The following KIF14 variants were observed in gnomAD, a reference collection of about 807,000 sequenced individuals.
The protein encoded by KIF14 is kinesin-like protein KIF14.
In KIF14, 98 loss-of-function variants were observed where a neutral mutation model predicts 176.2. The observed-to-expected ratio is 0.56, with a 90% CI of 0.47 to 0.66. The LOEUF (loss-of-function observed/expected upper bound fraction) is 0.66, where lower values mean the gene tolerates loss of function less well. Ranked by LOEUF, KIF14 falls within the 30% of genes least tolerant of loss-of-function variation. KIF14 has a pLI of 0.00. For missense variants in KIF14, 1,751 were observed against 1,920.4 expected, an observed-to-expected ratio of 0.91 and a Z score of 1.65; for synonymous variants, 566 against 632.2, an observed-to-expected ratio of 0.90 and a Z score of 1.57.
intron 22 of KIF14, among the ~76,000 whole-genome samples, chr1:200,573,078 G>A (rs1238627667): frequency 6.6e-6 from 1 of 152,132 alleles, no homozygotes; most frequent in Non-Finnish European, 1.5e-5. Flanking sequence ...CACCGTAATA[G>A]GAGCTTTATA....
chr1:200,573,450 T>G (rs1487018244), intron 22 of KIF14, among the ~76,000 whole-genome samples: 1 of 89,546 alleles, frequency 1.1e-5, no homozygotes, highest in Non-Finnish European at 2.4e-5. Flanking sequence ...TTTTTTTTTT[T>G]TGAGACGGAG....
intron 15 of KIF14, among the ~76,000 whole-genome samples, chr1:200,592,842 T>A (rs2102696163): frequency 1.3e-5 from 2 of 152,270 alleles, no homozygotes; most frequent in African/African-American, 4.8e-5. Flanking sequence ...TGCTCCTAGG[T>A]TACAAACCTG....
At chr1:200,581,760 C>CTTTTTTTTTTTTTTTT (rs1558064089) in intron 19 of KIF14, among the ~76,000 whole-genome samples, 1 of 102,406 alleles carries the variant, frequency 9.8e-6, no homozygotes, top group Non-Finnish European at 1.9e-5. Flanking sequence ...ATTTCACTTT[C>CTTTTTTTTTTTTTTTT]CTTTTTTTTT....
At chr1:200,601,481 C>T (rs1167268769) in intron 11 of KIF14, among the ~76,000 whole-genome samples, 2 of 152,156 alleles carry the variant, frequency 1.3e-5, no homozygotes, top group African/African-American at 4.8e-5. Context: ...TGAAGTTCAG[C>T]CTATACTAGA....
chr1:200,571,185 G>A (rs1657764522), intron 22 of KIF14, among the ~76,000 whole-genome samples: 1 of 151,992 alleles, frequency 6.6e-6, no homozygotes, highest in Non-Finnish European at 1.5e-5. Flanking sequence ...CGTGGTGGCA[G>A]CTGTCTGTAG....
intron 4 of KIF14, among the ~76,000 whole-genome samples, chr1:200,611,134 A>T (rs773787458): frequency 6.6e-6 from 1 of 152,212 alleles, no homozygotes; most frequent in African/African-American, 2.4e-5. Flanking sequence ...TCTGACAGTT[A>T]GGGCATGGTT....
chr1:200,580,483 C>A (rs1012178292), intron 20 of KIF14, 100 bp from the exon 21 acceptor site: 7 of 579,092 alleles, frequency 1.2e-5, no homozygotes, highest in Non-Finnish European at 1.9e-5. Flanking sequence ...AAAATTCCAT[C>A]CACTGATTAA....
At chr1:200,588,261 T>TTG (rs1435129438) in intron 18 of KIF14, among the ~76,000 whole-genome samples, 1 of 151,192 alleles carries the variant, frequency 6.6e-6, no homozygotes, top group Non-Finnish European at 1.5e-5. Flanking sequence ...TTTTTTTTTT[T>TTG]GACAGAGTCT....
Position 200,592,233 on chromosome 1 carries a change from C to T in KIF14, c.2660G>A (p.Arg887Gln). The T allele has an allele frequency of 1.9e-6, 3 of 1,612,730 alleles. No individual in the cohort carries two copies. Among genetic ancestry groups the T allele is most frequent in the Non-Finnish European group, 1.7e-6 (2 of 1,179,538 alleles). The change falls in exon 16 of 30, where the codon CGA becomes CAA. Residue 887 changes from arginine to glutamine, a missense_variant. Coordinates refer to ENST00000367350, the MANE Select transcript of KIF14 (RefSeq NM_014875.3). ...ATAATGATCTCCACCAAGAATCACT[C>T]GATCACCCTAAAGCACACAAAAAAA... is the stretch of plus-strand genomic sequence containing the variant. Reference protein sequence around the residue: ...LEITVLRHGDRVILGGDHYFR... With the variant: ...LEITVLRHGDQVILGGDHYFR...
intron 15 of KIF14, 95 bp from the exon 16 acceptor site, chr1:200,592,335 G>T: frequency 1.1e-6 from 1 of 911,728 alleles, no homozygotes; most frequent in Non-Finnish European, 1.7e-6. Flanking sequence ...ATATAGTCTA[G>T]TATTAATGAT....
chr1:200,559,227 C>T (rs1005431176), intron 27 of KIF14, 103 bp downstream of exon 27: 25 of 722,214 alleles, frequency 3.5e-5, no homozygotes, highest in Middle Eastern at 4.7e-4. Flanking sequence ...TAACTCGAAA[C>T]AAATTAAAAC....
Position 200,618,838 on chromosome 1 carries a change from ACT to A in KIF14, c.-115-2_-115-1del. 2 of 827,658 alleles carry A rather than the reference ACT, an allele frequency of 2.4e-6. No individual in the cohort carries two copies. The highest frequency in any genetic ancestry group is 1.8e-6 in the Non-Finnish European group (1 of 541,194). 51.3% of individuals were successfully genotyped at this position (827,658 alleles called of 1,614,324 possible). ...ATCCATTTCTGAAAGTATCTGCTAA[ACT>A]AAAAGAAAAAAAAAAGATTTAGATC... is the stretch of plus-strand genomic sequence containing the variant. On this transcript the variant is annotated splice_acceptor_variant, in intron 1 of 29. Coordinates refer to ENST00000367350, the MANE Select transcript of KIF14 (RefSeq NM_014875.3). LOFTEE classifies it low-confidence loss of function (5UTR_SPLICE).
intron 19 of KIF14, among the ~76,000 whole-genome samples, chr1:200,584,203 A>G (rs1282346581): frequency 8.4e-6 from 1 of 119,360 alleles, no homozygotes; most frequent in Non-Finnish European, 1.7e-5. Context: ...GCCAACACAT[A>G]AGACTCTGTT....
At position 200,605,972 on chromosome 1, in the gene KIF14, A is replaced by C. The variant is rs1030562846; in HGVS notation, c.1608-78T>G. 12 of 759,158 alleles carry C rather than the reference A, an allele frequency of 1.6e-5. No individual in the cohort carries two copies. In the African/African-American group the frequency reaches 1.8e-4, roughly 12 times the overall value. 47.0% of individuals were successfully genotyped at this position (759,158 alleles called of 1,614,324 possible). A position where few individuals can be genotyped will look rare whatever the true frequency, so the allele number is the denominator to read the frequency against. ...TGTTCTCATAAAACAATAACATTTCAATTACATATTTACGCTGAAGATCAC... is the reference window on the plus strand; with the variant it reads ...TGTTCTCATAAAACAATAACATTTCCATTACATATTTACGCTGAAGATCAC... On this transcript the variant is annotated intron_variant, in intron 6 of 29. Coordinates refer to ENST00000367350, the MANE Select transcript of KIF14 (RefSeq NM_014875.3).
intron 19 of KIF14, 86 bp from the exon 20 acceptor site, chr1:200,581,380 A>G: frequency 1.6e-6 from 1 of 610,534 alleles, no homozygotes. Context: ...TAAAAAAAAA[A>G]TCACTGATTT....
At chr1:200,604,060 T>G in intron 8 of KIF14, 105 bp from the exon 9 acceptor site, 1 of 686,266 alleles carries the variant, frequency 1.5e-6, no homozygotes, top group South Asian at 1.7e-5. Context: ...TCTTTTATTT[T>G]TTAAATAGTC....
In KIF14 at chr1:200,554,616, T is replaced by C; in HGVS notation, c.4429-10A>G. On this transcript the variant is annotated splice_polypyrimidine_tract_variant and intron_variant, in intron 28 of 29. Transcript: ENST00000367350. Reference sequence around the variant, plus strand: ...GCCTTCTGAAACTTTTCTGTATAAATAAAGTTAATATTTAAAATAATACAT... The same window carrying C: ...GCCTTCTGAAACTTTTCTGTATAAACAAAGTTAATATTTAAAATAATACAT... 1.5e-6 allele frequency: 2 copies of C among 1,348,456 alleles called. No homozygotes were observed. The highest frequency in any genetic ancestry group is 2.6e-5 in the South Asian group (2 of 77,844). 83.5% of individuals were successfully genotyped at this position (1,348,456 alleles called of 1,614,324 possible).
chr1:200,567,731 T>C (rs1233344513), intron 23 of KIF14, among the ~76,000 whole-genome samples: 3 of 151,976 alleles, frequency 2.0e-5, no homozygotes, highest in African/African-American at 4.8e-5. Flanking sequence ...CAAGATTAAG[T>C]TTTCTGGTCT....
chr1:200,616,573 C>A (rs191526822), intron 2 of KIF14, among the ~76,000 whole-genome samples: 4 of 152,320 alleles, frequency 2.6e-5, no homozygotes, highest in Non-Finnish European at 4.4e-5. Flanking sequence ...TAACTACTGA[C>A]CCCTTAGGTT....
Sources: allele counts gnomAD v4.1 joint callset (sites outside exome capture counted in the v4.1 genomes callset), GRCh38; gene constraint gnomAD v4.1.1; transcripts MANE v1.5; gene names NCBI Gene and HGNC (gene_info 2026-07-23, HGNC 2026-07-21).